Variants in APOBEC3A observed in about 807,000 individuals in gnomAD.
APOBEC3A encodes the protein DNA dC->dU-editing enzyme APOBEC-3A.
In APOBEC3A, 13 loss-of-function variants were observed where a neutral mutation model predicts 23.0. That is an observed-to-expected ratio of 0.57 (90% CI 0.37 to 0.90). APOBEC3A has a LOEUF of 0.90. APOBEC3A is among the 40% of genes least tolerant of loss of function. The pLI is 0.01. For synonymous variants in APOBEC3A, 74 were observed against 101.3 expected (o/e 0.73, Z 1.62); for missense variants, 179 against 264.9 (o/e 0.68, Z 2.25).
Position 38,959,659 on chromosome 22 carries a change from C to T in APOBEC3A, c.147C>T (p.Asp49=). 3 of 1,614,052 alleles carry T rather than the reference C, an allele frequency of 1.9e-6. No homozygotes were observed. Among genetic ancestry groups the T allele is most frequent in the Non-Finnish European group, 2.5e-6 (3 of 1,179,992 alleles). The change falls in exon 2 of 5, where the codon GAC becomes GAT. Residue 49 remains aspartate, a synonymous_variant. Transcript: ENST00000249116. ...ACAATGGCACCTCGGTCAAGATGGACCAGCACAGGGGCTTTCTACACAACC... is the reference window on the plus strand; with the variant it reads ...ACAATGGCACCTCGGTCAAGATGGATCAGCACAGGGGCTTTCTACACAACC... The part of the protein sequence containing the change: ...RLDNGTSVKM[D]QHRGFLHNQA...
chr22:38,962,039 C>T (rs1053853516), intron 3 of APOBEC3A, 59 bp from the exon 4 acceptor site: 10 of 1,566,668 alleles, frequency 6.4e-6, no homozygotes, highest in South Asian at 3.6e-5. Flanking sequence ...GTCATGGGCC[C>T]TAGGTGCCAC....
At chr22:38,960,264 G>C (rs1204090893) in intron 2 of APOBEC3A, among the ~76,000 whole-genome samples, 1 of 152,174 alleles carries the variant, frequency 6.6e-6, no homozygotes, top group African/African-American at 2.4e-5. Flanking sequence ...GTAATGCTTG[G>C]CTCCGGTGCT....
chr22:38,960,478 C>A (rs1922831154), intron 2 of APOBEC3A, among the ~76,000 whole-genome samples: 1 of 152,232 alleles, frequency 6.6e-6, no homozygotes, highest in Non-Finnish European at 1.5e-5. Context: ...GAGTCCCTCC[C>A]TGTCTTTGTC....
Position 38,962,641 on chromosome 22 carries a change from T to C in APOBEC3A, c.*132T>C. 3 of 1,573,956 alleles carry C rather than the reference T, an allele frequency of 1.9e-6. No homozygotes were observed. Among genetic ancestry groups the C allele is most frequent in the Non-Finnish European group, 2.6e-6 (3 of 1,161,470 alleles). ...GCTCACAGACGCCAGCAAAGCAGTATGCTCCCGATCAAGTAGATTTTTAAA... is the reference window on the plus strand; with the variant it reads ...GCTCACAGACGCCAGCAAAGCAGTACGCTCCCGATCAAGTAGATTTTTAAA... On this transcript the variant is annotated 3_prime_UTR_variant, in exon 5 of 5. Transcript: ENST00000249116.
chr22:38,959,776 C>T, intron 2 of APOBEC3A, 90 bp downstream of exon 2: 1 of 1,505,286 alleles, frequency 6.6e-7, no homozygotes, highest in Middle Eastern at 2.5e-4. Flanking sequence ...CTTGTGGTTT[C>T]CTGCAGTGTT....
In APOBEC3A at chr22:38,958,550, C is replaced by T. The variant is rs146939245; in HGVS notation, c.29+830C>T. Among the ~76,000 whole-genome samples, 428 of 129,712 alleles carry T rather than the reference C, an allele frequency of 3.3e-3. 2 individuals carry two copies. The highest frequency in any genetic ancestry group is 4.8e-3 in the Non-Finnish European group (312 of 64,992). The allele number at this position is 129,712 out of a possible 152,430, so 85.1% of individuals were successfully genotyped here. Reference sequence around the variant, plus strand: ...CTTTCTTTTACTTCCTTCCTCCCTCCTTCCTTCCTCTCTTTCTTCTTTCCT... The same window carrying T: ...CTTTCTTTTACTTCCTTCCTCCCTCTTTCCTTCCTCTCTTTCTTCTTTCCT... On this transcript the variant is annotated intron_variant, in intron 1 of 4. Coordinates refer to ENST00000249116, the MANE Select transcript of APOBEC3A (RefSeq NM_145699.4).
chr22:38,962,077 A>G lies in APOBEC3A; in HGVS notation c.470-21A>G, dbSNP rs567022161. ...CGATCCCACAGCGGGAGCGTGACTTATCTCCCCTGTCCCTTTTCAGAATTT... is the reference window on the plus strand; with the variant it reads ...CGATCCCACAGCGGGAGCGTGACTTGTCTCCCCTGTCCCTTTTCAGAATTT... On this transcript the variant is annotated intron_variant, in intron 3 of 4. Transcript: ENST00000249116. 3.8e-6 allele frequency: 6 copies of G among 1,598,178 alleles called. No homozygotes were observed. The East Asian group carries it at 9.0e-5, about 24-fold the overall frequency.
Position 38,957,631 on chromosome 22 carries a change from C to G in APOBEC3A, c.-61C>G, listed in dbSNP as rs373304916. ...AATGTTGGTGAAGATCTTAACACCA[C>G]GCCTTGAGCAAGTCGCAAGAGCGGG... is the stretch of plus-strand genomic sequence containing the variant. On this transcript the variant is annotated 5_prime_UTR_variant, in exon 1 of 5. Coordinates refer to ENST00000249116, the MANE Select transcript of APOBEC3A (RefSeq NM_145699.4). 3.1e-6 allele frequency: 5 copies of G among 1,591,840 alleles called. No individual in the cohort carries two copies. In the African/African-American group the frequency reaches 5.4e-5, roughly 17 times the overall value.
chr22:38,962,735 G>T lies in APOBEC3A; in HGVS notation c.*226G>T. On this transcript the variant is annotated 3_prime_UTR_variant, in exon 5 of 5. Coordinates refer to ENST00000249116, the MANE Select transcript of APOBEC3A (RefSeq NM_145699.4). ...AGCACTTTGGAGGCCAAGGCGGGTG[G>T]ATCACGAGGTCAGGAGATCGAGACC... 1 of 1,130,630 alleles carries T rather than the reference G, an allele frequency of 8.8e-7. No homozygotes were observed. The highest frequency in any genetic ancestry group is 1.7e-5 in the South Asian group (1 of 60,488). The allele number at this position is 1,130,630 out of a possible 1,614,324, so 70.0% of individuals were successfully genotyped here.
intron 1 of APOBEC3A, among the ~76,000 whole-genome samples, chr22:38,959,222 G>A (rs1220949578): frequency 6.6e-6 from 1 of 152,166 alleles, no homozygotes; most frequent in Admixed American, 6.5e-5. Context: ...GCAGAGCCAG[G>A]ACAGGGGTGC....
At position 38,962,914 on chromosome 22, in the gene APOBEC3A, C is replaced by A. The variant is rs962455786; in HGVS notation, c.*405C>A. 6.5e-5 allele frequency: 18 copies of A among 278,838 alleles called. 1 individual carries two copies. The highest frequency in any genetic ancestry group is 1.0e-4 in the Non-Finnish European group (15 of 149,632). The allele number at this position is 278,838 out of a possible 1,614,324, so 17.3% of individuals were successfully genotyped here. ...CAGAGCTTGCGGTGAGCCGAGATTG[C>A]GCTACTGCACTCCAGCCTGGGCGAC... On this transcript the variant is annotated 3_prime_UTR_variant, in exon 5 of 5. Coordinates refer to ENST00000249116, the MANE Select transcript of APOBEC3A (RefSeq NM_145699.4).
Position 38,962,936 on chromosome 22 carries a change from C to T in APOBEC3A, c.*427C>T, listed in dbSNP as rs537791432. On this transcript the variant is annotated 3_prime_UTR_variant, in exon 5 of 5. Coordinates refer to ENST00000249116, the MANE Select transcript of APOBEC3A (RefSeq NM_145699.4). ...TTGCGCTACTGCACTCCAGCCTGGGCGACAGTACCAGACTCCATCTCAAAA... is the reference window on the plus strand; with the variant it reads ...TTGCGCTACTGCACTCCAGCCTGGGTGACAGTACCAGACTCCATCTCAAAA... 1.2e-4 allele frequency: 27 copies of T among 226,422 alleles called. 1 individual carries two copies. Among genetic ancestry groups the T allele is most frequent in the South Asian group, 2.0e-4 (3 of 14,962 alleles). The allele number at this position is 226,422 out of a possible 1,614,324, so 14.0% of individuals were successfully genotyped here.
chr22:38,961,386 G>T lies in APOBEC3A; in HGVS notation c.175-1G>T. On this transcript the variant is annotated splice_acceptor_variant, in intron 2 of 4. Transcript: ENST00000249116. LOFTEE classifies it high-confidence loss of function. ...ACCTCACACTCTGTTTCCTTTTCTAGGCTAAGAATCTTCTCTGTGGCTTTT... is the reference window on the plus strand; with the variant it reads ...ACCTCACACTCTGTTTCCTTTTCTATGCTAAGAATCTTCTCTGTGGCTTTT... 5.9e-6 allele frequency: 7 copies of T among 1,193,084 alleles called. No homozygotes were observed. Among genetic ancestry groups the T allele is most frequent in the Non-Finnish European group, 8.4e-6 (7 of 831,524 alleles). The allele number at this position is 1,193,084 out of a possible 1,614,324, so 73.9% of individuals were successfully genotyped here. A position where few individuals can be genotyped will look rare whatever the true frequency, so the allele number is the denominator to read the frequency against.
chr22:38,958,769 C>CTTTGTCTTTCTTTCTT (rs59598207), intron 1 of APOBEC3A, among the ~76,000 whole-genome samples: 1 of 109,408 alleles, frequency 9.1e-6, no homozygotes, highest in African/African-American at 4.4e-5. Flanking sequence ...ATCTCTCTTT[C>CTTTGTCTTTCTTTCTT]TCTTTCTTTC....
chr22:38,958,488 CTTCT>C (rs1238871759), intron 1 of APOBEC3A, among the ~76,000 whole-genome samples: 23 of 119,972 alleles, frequency 1.9e-4, no homozygotes, highest in South Asian at 1.1e-3. Context: ...TCTTTCTTTC[CTTCT>C]TTCTTTCTTT....
intron 1 of APOBEC3A, among the ~76,000 whole-genome samples, chr22:38,958,719 T>TTTCC (rs1480303412): frequency 4.0e-5 from 6 of 149,324 alleles, no homozygotes; most frequent in Non-Finnish European, 8.9e-5. Context: ...TTCTTTTTCT[T>TTTCC]TTCCTTCCTT....
In APOBEC3A at chr22:38,962,738, C is replaced by T; in HGVS notation, c.*229C>T. 1 of 1,121,510 alleles carries T rather than the reference C, an allele frequency of 8.9e-7. No individual in the cohort carries two copies. The highest frequency in any genetic ancestry group is 1.2e-6 in the Non-Finnish European group (1 of 815,286). 69.5% of individuals were successfully genotyped at this position (1,121,510 alleles called of 1,614,324 possible). A position where few individuals can be genotyped will look rare whatever the true frequency, so the allele number is the denominator to read the frequency against. ...ACTTTGGAGGCCAAGGCGGGTGGAT[C>T]ACGAGGTCAGGAGATCGAGACCATC... On this transcript the variant is annotated 3_prime_UTR_variant, in exon 5 of 5. Coordinates refer to ENST00000249116, the MANE Select transcript of APOBEC3A (RefSeq NM_145699.4).
chr22:38,959,076 G>T (rs1353411485), intron 1 of APOBEC3A, among the ~76,000 whole-genome samples: 1 of 152,126 alleles, frequency 6.6e-6, no homozygotes, highest in African/African-American at 2.4e-5. Context: ...TACCCGAAAA[G>T]AAGTCCCTGG....
Position 38,962,754 on chromosome 22 carries a change from C to T in APOBEC3A, c.*245C>T, listed in dbSNP as rs549687514. ...CGGGTGGATCACGAGGTCAGGAGAT[C>T]GAGACCATCCTGGCTAACACGGTGA... On this transcript the variant is annotated 3_prime_UTR_variant, in exon 5 of 5. Transcript: ENST00000249116. 2.8e-5 allele frequency: 27 copies of T among 956,848 alleles called. No homozygotes were observed. The highest frequency in any genetic ancestry group is 8.9e-5 in the South Asian group (5 of 56,228). The allele number at this position is 956,848 out of a possible 1,614,324, so 59.3% of individuals were successfully genotyped here.
Sources: allele counts gnomAD v4.1 joint callset (sites outside exome capture counted in the v4.1 genomes callset), GRCh38; gene constraint gnomAD v4.1.1; transcripts MANE v1.5; gene names NCBI Gene and HGNC (gene_info 2026-07-23, HGNC 2026-07-21).